The following MAP3K11 variants were observed in gnomAD, a reference collection of about 807,000 sequenced individuals.
MAP3K11 encodes mitogen-activated protein kinase kinase kinase 11.
Under a neutral mutation model 84.9 loss-of-function variants are expected in MAP3K11, and 46 were observed. The observed-to-expected ratio is 0.54, with a 90% CI of 0.43 to 0.69. The LOEUF (loss-of-function observed/expected upper bound fraction) is 0.69. Among genes scored for constraint, MAP3K11 ranks in the 30% least tolerant of loss-of-function variants. The pLI is 0.00. For missense variants in MAP3K11, 1,053 were observed against 1,198.3 expected (o/e 0.88, Z 1.79); for synonymous variants, 527 against 514.7 (o/e 1.02, Z -0.32).
At chr11:65,604,989 G>C (rs745958741) in intron 8 of MAP3K11, among the ~76,000 whole-genome samples, 3 of 152,174 alleles carry the variant, frequency 2.0e-5, no homozygotes, top group Non-Finnish European at 2.9e-5. Context: ...TTCCTAAGCA[G>C]TCTATACGTG....
intron 6 of MAP3K11, 142 bp from the exon 7 acceptor site, chr11:65,606,223 G>A: frequency 1.0e-6 from 1 of 983,250 alleles, no homozygotes; most frequent in Non-Finnish European, 1.4e-6. Context: ...CAAGATAGAT[G>A]GGTTTGGGTC....
chr11:65,603,867 G>C (rs540524700), intron 8 of MAP3K11, among the ~76,000 whole-genome samples: 1 of 152,358 alleles, frequency 6.6e-6, no homozygotes, highest in South Asian at 2.1e-4. Flanking sequence ...TGAAACCTCA[G>C]ACATGTGGCC....
Position 65,613,887 on chromosome 11 carries a change from G to T in MAP3K11, c.-131C>A. 1 of 1,027,904 alleles carries T rather than the reference G, an allele frequency of 9.7e-7. No individual in the cohort carries two copies. Among genetic ancestry groups the T allele is most frequent in the Non-Finnish European group, 1.4e-6 (1 of 732,630 alleles). 63.7% of individuals were successfully genotyped at this position (1,027,904 alleles called of 1,614,324 possible). A position where few individuals can be genotyped will look rare whatever the true frequency, so the allele number is the denominator to read the frequency against. ...CCCTGGCCCTCAGCCCCAGACCCAC[G>T]CCTCTCTGGGGAGCCAGGAGTGTTG... On this transcript the variant is annotated 5_prime_UTR_variant, in exon 1 of 10. Transcript: ENST00000309100.
At chr11:65,599,813 T>A (rs970854890) in intron 8 of MAP3K11, 45 bp from the exon 9 acceptor site, 2 of 1,572,566 alleles carry the variant, frequency 1.3e-6, no homozygotes, top group Non-Finnish European at 1.7e-6. Context: ...TGGTGCATAT[T>A]CCGGGTGAGG....
At position 65,599,524 on chromosome 11, in the gene MAP3K11, A is replaced by T; in HGVS notation, c.2076T>A (p.Pro692=). The T allele has an allele frequency of 6.7e-7, 1 of 1,484,886 alleles. No homozygotes were observed. The highest frequency in any genetic ancestry group is 2.8e-5 in the Admixed American group (1 of 35,928). The allele number at this position is 1,484,886 out of a possible 1,614,324, so 92.0% of individuals were successfully genotyped here. Residue 692 remains proline (P), a synonymous_variant, in exon 9 of 10, where the codon CCT becomes CCA. Transcript: ENST00000309100. Reference sequence around the variant, plus strand: ...TGAGCGAGAAGCAGATGAGCGGGGAAGGGGGCGGCTCGGTCGGGCAGGGCG... The same window carrying T: ...TGAGCGAGAAGCAGATGAGCGGGGATGGGGGCGGCTCGGTCGGGCAGGGCG... ...TPAPCPTEPP[P]SPLICFSLKT... is the part of the protein sequence containing the mutation.
rs199701635 is a variant in MAP3K11 at position 65,598,172 on chromosome 11, A to AG, written c.*118dup. The AG allele has an allele frequency of 1.4e-3, 1,175 of 839,452 alleles. 4 individuals carry two copies. The Admixed American group carries it at 0.016, about 11-fold the overall frequency. 52.0% of individuals were successfully genotyped at this position (839,452 alleles called of 1,614,324 possible). ...GCAGTGTAGTGTTCCTGACCCCCAAAGGGGGGTGGGGTCCCTGGGGAAACT... is the reference window on the plus strand; with the variant it reads ...GCAGTGTAGTGTTCCTGACCCCCAAAGGGGGGGTGGGGTCCCTGGGGAAACT... On this transcript the variant is annotated 3_prime_UTR_variant, in exon 10 of 10. Transcript: ENST00000309100.
chr11:65,606,114 CTTTA>C, intron 6 of MAP3K11, 33 bp from the exon 7 acceptor site: 1 of 1,545,004 alleles, frequency 6.5e-7, no homozygotes, highest in South Asian at 1.2e-5. Context: ...CGGAGATAAT[CTTTA>C]TTCTCCCTCC....
intron 8 of MAP3K11, among the ~76,000 whole-genome samples, chr11:65,604,369 A>G (rs1854485164): frequency 6.6e-6 from 1 of 152,246 alleles, no homozygotes; most frequent in African/African-American, 2.4e-5. Context: ...CTGGCCTGGT[A>G]CAATTTAGAG....
intron 2 of MAP3K11, 50 bp from the exon 3 acceptor site, chr11:65,608,120 C>T (rs370003710): frequency 3.1e-6 from 5 of 1,602,528 alleles, no homozygotes; most frequent in African/African-American, 2.7e-5. Flanking sequence ...CCAACCCCCA[C>T]CCCCTTACTG....
intron 9 of MAP3K11, among the ~76,000 whole-genome samples, chr11:65,599,062 A>G (rs563263787): frequency 6.6e-6 from 1 of 152,276 alleles, no homozygotes; most frequent in South Asian, 2.1e-4. Flanking sequence ...GCTGGAGTCC[A>G]GTGTCATGAT....
chr11:65,602,244 G>C (rs1854464231), intron 8 of MAP3K11, among the ~76,000 whole-genome samples: 1 of 150,278 alleles, frequency 6.7e-6, no homozygotes, highest in Non-Finnish European at 1.5e-5. Flanking sequence ...GGGAGTGGTG[G>C]CTCAAGCCTA....
At chr11:65,599,811 A>T in intron 8 of MAP3K11, 43 bp from the exon 9 acceptor site, 4 of 1,572,910 alleles carry the variant, frequency 2.5e-6, no homozygotes, top group Non-Finnish European at 3.4e-6. Flanking sequence ...GCTGGTGCAT[A>T]TTCCGGGTGA....
Position 65,608,315 on chromosome 11 carries a change from A to T in MAP3K11, c.873T>A (p.Pro291=). ...SAAGTYAWMA[P]EVIKASTFSK... Reference sequence around the variant, plus strand: ...AGAAGGTGGAGGCCTTGATAACCTCAGGAGCCATCCAGGCGTAGGTGCCCG... The same window carrying T: ...AGAAGGTGGAGGCCTTGATAACCTCTGGAGCCATCCAGGCGTAGGTGCCCG... The change falls in exon 2 of 10, where the codon CCT becomes CCA. Residue 291 remains proline (P), a synonymous_variant. Transcript: ENST00000309100. 1.9e-6 allele frequency: 3 copies of T among 1,614,194 alleles called. No individual in the cohort carries two copies. Among genetic ancestry groups the T allele is most frequent in the Non-Finnish European group, 2.5e-6 (3 of 1,180,018 alleles).
chr11:65,599,425 G>A lies in MAP3K11; in HGVS notation c.2175C>T (p.Ala725=), dbSNP rs1219254762. The A allele has an allele frequency of 6.5e-7, 1 of 1,527,068 alleles. No homozygotes were observed. The highest frequency in any genetic ancestry group is 2.6e-5 in the East Asian group (1 of 37,766). The allele number at this position is 1,527,068 out of a possible 1,614,324, so 94.6% of individuals were successfully genotyped here. Residue 725 remains alanine, a synonymous_variant, in exon 9 of 10, where the codon GCC becomes GCT. Coordinates refer to ENST00000309100, the MANE Select transcript of MAP3K11 (RefSeq NM_002419.4). ...GCTCCTCCTCACGTCGGGGGCTCTT[G>A]GCTGACCGCTGGCCCACAGGGATAC... is the stretch of plus-strand genomic sequence containing the variant. ...DLGIPVGQRS[A]KSPRREEEPR... is the part of the protein sequence containing the mutation.
chr11:65,606,398 CTTAAA>C, intron 6 of MAP3K11: 1 of 423,584 alleles, frequency 2.4e-6, no homozygotes, highest in Non-Finnish European at 4.1e-6. Flanking sequence ...ATCCATAAAA[CTTAAA>C]TTAACAACAA....
rs1854404973 is a variant in MAP3K11 at position 65,598,195 on chromosome 11, A to G, written c.*96T>C. The G allele has an allele frequency of 1.1e-5, 12 of 1,094,162 alleles. No individual in the cohort carries two copies. Among genetic ancestry groups the G allele is most frequent in the Admixed American group, 7.2e-5 (2 of 27,670 alleles). 67.8% of individuals were successfully genotyped at this position (1,094,162 alleles called of 1,614,324 possible). A position where few individuals can be genotyped will look rare whatever the true frequency, so the allele number is the denominator to read the frequency against. ...AAAGGGGGGTGGGGTCCCTGGGGAAACTGAGGCAGCTGCAGAGGCTGACCC... is the reference window on the plus strand; with the variant it reads ...AAAGGGGGGTGGGGTCCCTGGGGAAGCTGAGGCAGCTGCAGAGGCTGACCC... On this transcript the variant is annotated 3_prime_UTR_variant, in exon 10 of 10. Transcript: ENST00000309100.
intron 5 of MAP3K11, 182 bp downstream of exon 5, chr11:65,607,088 C>T: frequency 1.1e-6 from 1 of 906,834 alleles, no homozygotes; most frequent in South Asian, 2.0e-5. Flanking sequence ...CATGCAAATA[C>T]TTCCGCCAGA....
In MAP3K11 at chr11:65,607,288, G is replaced by C; in HGVS notation, c.1471C>G (p.Arg491Gly). The C allele has an allele frequency of 6.6e-7, 1 of 1,520,646 alleles. No individual in the cohort carries two copies. Among genetic ancestry groups the C allele is most frequent in the Non-Finnish European group, 8.7e-7 (1 of 1,143,416 alleles). 94.2% of individuals were successfully genotyped at this position (1,520,646 alleles called of 1,614,324 possible). The change falls in exon 5 of 10, where the codon CGT (arginine) becomes GGT (glycine). Residue 491 changes from arginine to glycine, a missense_variant. By Grantham distance (125) the Arg-to-Gly change is moderately radical (BLOSUM62 -2). This residue lies in a region of MAP3K11 where 583 missense variants were observed against 566.6 expected (regional missense o/e 1.03). Coordinates refer to ENST00000309100, the MANE Select transcript of MAP3K11 (RefSeq NM_002419.4). ...CCCTCACCGAGTGGCATGCTGATACGCTCGCCGCCGTCGCGCGCCCGGAGC... is the reference window on the plus strand; with the variant it reads ...CCCTCACCGAGTGGCATGCTGATACCCTCGCCGCCGTCGCGCGCCCGGAGC... ...SKLRARDGGE[R>G]ISMPLDFKHR...
In MAP3K11 at chr11:65,607,495, C is replaced by T. The variant is rs2135370302; in HGVS notation, c.1264G>A (p.Glu422Lys). The T allele has an allele frequency of 6.4e-7, 1 of 1,573,602 alleles. No individual in the cohort carries two copies. Among genetic ancestry groups the T allele is most frequent in the African/African-American group, 1.4e-5 (1 of 73,994 alleles). Reference sequence around the variant, plus strand: ...TCGCGCGCCGCTCGCGTCAGCTCCTCCTCGCGGCTCAGTAGTTCCTGCGCC... The same window carrying T: ...TCGCGCGCCGCTCGCGTCAGCTCCTTCTCGCGGCTCAGTAGTTCCTGCGCC... ...AKEKELLSREEELTRAAREQR... is the reference protein window; with the variant it reads ...AKEKELLSREKELTRAAREQR... Residue 422 changes from glutamate to lysine, a missense_variant, in exon 5 of 10, where the codon GAG becomes AAG. Glu to Lys is a moderately conservative substitution (Grantham distance 56). Coordinates refer to ENST00000309100, the MANE Select transcript of MAP3K11 (RefSeq NM_002419.4).
Sources: gnomAD v4.1 joint callset for allele counts (sites outside exome capture counted in the v4.1 genomes callset) on GRCh38, gnomAD v4.1.1 for gene constraint, gnomAD v4.1.1 regional missense constraint, MANE v1.5 for transcripts, NCBI Gene and HGNC (gene_info 2026-07-23, HGNC 2026-07-21) for gene names.